UNC5C: variants seen among roughly 807,000 people sequenced by gnomAD.
UNC5C encodes netrin receptor UNC5C.
In UNC5C, 47 loss-of-function variants were observed where a neutral mutation model predicts 99.8. That is an observed-to-expected ratio of 0.47 (90% CI 0.37 to 0.60). UNC5C has a LOEUF of 0.60. Among genes scored for constraint, UNC5C ranks in the 20% least tolerant of loss-of-function variants. The pLI is 0.00. For synonymous variants in UNC5C, 487 were observed against 452.2 expected, an observed-to-expected ratio of 1.08 and a Z score of -0.98; for missense variants, 1,062 against 1,165.9, an observed-to-expected ratio of 0.91 and a Z score of 1.30.
chr4:95,290,415 G>A (rs1741400855), intron 3 of UNC5C, among the ~76,000 whole-genome samples: 2 of 151,394 alleles, frequency 1.3e-5, no homozygotes, highest in South Asian at 4.2e-4. Flanking sequence ...TCAACTATAT[G>A]CAGTTCCCTC....
At chr4:95,180,053 T>G (rs150080580) in intron 14 of UNC5C, among the ~76,000 whole-genome samples, 258 of 152,248 alleles carry the variant, frequency 1.7e-3, no homozygotes, top group Admixed American at 3.8e-3. Flanking sequence ...AGCCCTGTTA[T>G]CCTTATGGCA....
chr4:95,450,661 G>A (rs1450264348), intron 1 of UNC5C, among the ~76,000 whole-genome samples: 1 of 152,154 alleles, frequency 6.6e-6, no homozygotes, highest in Non-Finnish European at 1.5e-5. Context: ...GCTTAAATAA[G>A]AGTGACGTGT....
intron 14 of UNC5C, among the ~76,000 whole-genome samples, chr4:95,182,019 G>C (rs546400547): frequency 6.6e-6 from 1 of 152,284 alleles, no homozygotes; most frequent in African/African-American, 2.4e-5. Flanking sequence ...TTAGCTCCAT[G>C]AGGCCCCAAA....
intron 12 of UNC5C, among the ~76,000 whole-genome samples, chr4:95,200,969 G>A (rs918091925): frequency 6.6e-6 from 1 of 152,044 alleles, no homozygotes; most frequent in African/African-American, 2.4e-5. Flanking sequence ...CCTTAGGAAT[G>A]GGATTAGTAG....
At chr4:95,298,317 T>TCAAA (rs1011365205) in intron 3 of UNC5C, among the ~76,000 whole-genome samples, 2 of 151,960 alleles carry the variant, frequency 1.3e-5, no homozygotes, top group Admixed American at 6.6e-5. Flanking sequence ...ATCTCAAAAA[T>TCAAA]CAAACAAACA....
intron 1 of UNC5C, among the ~76,000 whole-genome samples, chr4:95,399,363 G>T (rs551052519): frequency 6.6e-6 from 1 of 152,060 alleles, no homozygotes; most frequent in Non-Finnish European, 1.5e-5. Context: ...ACATACAAGA[G>T]GCAAGAACCC....
At chr4:95,422,957 T>C (rs977638394) in intron 1 of UNC5C, among the ~76,000 whole-genome samples, 1 of 152,172 alleles carries the variant, frequency 6.6e-6, no homozygotes, top group African/African-American at 2.4e-5. Context: ...TTAATAGCAG[T>C]CTACAATTTC....
chr4:95,525,176 TC>T (rs995817475), intron 1 of UNC5C, among the ~76,000 whole-genome samples: 1 of 152,154 alleles, frequency 6.6e-6, no homozygotes, highest in Non-Finnish European at 1.5e-5. Flanking sequence ...GAGAATGCAC[TC>T]CCCTGTGTTG....
Position 95,335,470 on chromosome 4 carries a change from T to C in UNC5C, c.286A>G (p.Asn96Asp). 2 of 1,612,498 alleles carry C rather than the reference T, an allele frequency of 1.2e-6. No individual in the cohort carries two copies. Among genetic ancestry groups the C allele is most frequent in the Non-Finnish European group, 1.7e-6 (2 of 1,178,908 alleles). The part of the protein sequence containing the change: ...SPATQIYFKC[N>D]SEWVHQKDHI... Reference sequence around the variant, plus strand: ...TCCTTCTGATGAACCCATTCACTATTACACTTGAAATAGATCTGGGTGGCA... The same window carrying C: ...TCCTTCTGATGAACCCATTCACTATCACACTTGAAATAGATCTGGGTGGCA... The change falls in exon 2 of 16, where the codon AAT becomes GAT. Residue 96 changes from asparagine to aspartate, a missense_variant. By Grantham distance (23) the Asn-to-Asp change is conservative. Coordinates refer to ENST00000453304, the MANE Select transcript of UNC5C (RefSeq NM_003728.4).
At chr4:95,234,237 G>A (rs968053425) in intron 7 of UNC5C, among the ~76,000 whole-genome samples, 2 of 152,022 alleles carry the variant, frequency 1.3e-5, no homozygotes, top group African/African-American at 2.4e-5. Flanking sequence ...ATTTTAATAT[G>A]TACACAGTAC....
At chr4:95,394,611 T>C (rs958755397) in intron 1 of UNC5C, among the ~76,000 whole-genome samples, 3 of 151,584 alleles carry the variant, frequency 2.0e-5, no homozygotes, top group Non-Finnish European at 4.4e-5. Flanking sequence ...GACAAAATTA[T>C]ATAATTACAA....
At chr4:95,233,433 A>C (rs972719850) in intron 7 of UNC5C, among the ~76,000 whole-genome samples, 7 of 152,206 alleles carry the variant, frequency 4.6e-5, no homozygotes, top group African/African-American at 9.7e-5. Context: ...AAAGAGAATA[A>C]AAACTAAAAT....
chr4:95,175,146 T>C (rs1430634152), intron 14 of UNC5C, among the ~76,000 whole-genome samples: 10 of 151,862 alleles, frequency 6.6e-5, no homozygotes, highest in East Asian at 1.9e-4. Flanking sequence ...TCTCTGCACG[T>C]GAGATGGGTT....
chr4:95,179,699 G>C (rs1203316559), intron 14 of UNC5C, among the ~76,000 whole-genome samples: 1 of 145,676 alleles, frequency 6.9e-6, no homozygotes, highest in Admixed American at 7.1e-5. Flanking sequence ...GTGAGCTGAA[G>C]TCGTGCCACT....
At chr4:95,296,234 A>T (rs1261093987) in intron 3 of UNC5C, among the ~76,000 whole-genome samples, 1 of 152,204 alleles carries the variant, frequency 6.6e-6, no homozygotes, top group African/African-American at 2.4e-5. Flanking sequence ...TTATGAGTCA[A>T]TCTTTACAAG....
intron 8 of UNC5C, 62 bp downstream of exon 8, chr4:95,219,923 C>T: frequency 7.1e-6 from 11 of 1,539,696 alleles, no homozygotes; most frequent in Non-Finnish European, 9.7e-6. Context: ...ACTCTAAAGT[C>T]ATTGATTTTG....
chr4:95,215,986 G>T (rs1026448176), intron 10 of UNC5C, 138 bp downstream of exon 10: 25 of 586,960 alleles, frequency 4.3e-5, no homozygotes, highest in Non-Finnish European at 7.1e-5. Flanking sequence ...CTGACCTTTT[G>T]TAGGTCAAGG....
chr4:95,281,262 C>G (rs966505826), intron 3 of UNC5C, among the ~76,000 whole-genome samples: 2 of 152,126 alleles, frequency 1.3e-5, no homozygotes, highest in African/African-American at 4.8e-5. Context: ...TTAAATAGAG[C>G]AATTTCATTT....
intron 1 of UNC5C, among the ~76,000 whole-genome samples, chr4:95,496,830 A>T (rs1578195564): frequency 1.3e-5 from 2 of 151,580 alleles, no homozygotes; most frequent in Non-Finnish European, 1.5e-5. Flanking sequence ...TTTATCCCTC[A>T]CCCTCTCCCA....
Sources: gnomAD v4.1 joint callset for allele counts (sites outside exome capture counted in the v4.1 genomes callset) on GRCh38, gnomAD v4.1.1 for gene constraint, MANE v1.5 for transcripts, NCBI Gene and HGNC (gene_info 2026-07-23, HGNC 2026-07-21) for gene names.